VCPIP1: variants seen among roughly 807,000 people sequenced by gnomAD.
The protein encoded by VCPIP1 is deubiquitinating protein VCPIP1.
VCPIP1 carries 8 observed loss-of-function variants against 85.0 expected under a neutral mutation model. The ratio of observed to expected loss-of-function variants is 0.09; its 90% CI spans 0.06 to 0.17. The LOEUF (loss-of-function observed/expected upper bound fraction) is 0.17. Among genes scored for constraint, VCPIP1 ranks in the 10% least tolerant of loss-of-function variants. The pLI is 1.00. For synonymous variants in VCPIP1, 543 were observed against 544.5 expected (o/e 1.00, Z 0.04); for missense variants, 1,070 against 1,486.3 (o/e 0.72, Z 4.61).
In VCPIP1 at chr8:66,628,903, AC is replaced by A. The variant is rs1285534837; in HGVS notation, c.*5597del. ...AATTGAGGCCTTGAAAGGCTCCAAG[AC>A]TTGCCTTGGGTCACAGAGCACACTG... On this transcript the variant is annotated 3_prime_UTR_variant, in exon 3 of 3. Transcript: ENST00000310421. 3 of 152,266 alleles carry A rather than the reference AC, an allele frequency of 2.0e-5. No individual in the cohort carries two copies. Among genetic ancestry groups the A allele is most frequent in the Non-Finnish European group, 4.4e-5 (3 of 68,050 alleles). The allele number at this position is 152,266 out of a possible 1,614,324, so 9.4% of individuals were successfully genotyped here. A position where few individuals can be genotyped will look rare whatever the true frequency, so the allele number is the denominator to read the frequency against.
Position 66,630,220 on chromosome 8 carries a change from G to A in VCPIP1, c.*4281C>T, listed in dbSNP as rs749680542. The stretch of plus-strand genomic sequence containing the variant: ...CAAATGTAATATATACAGTAATCAC[G>A]AAATCGGAAAATAATGGGCAACAGC... On this transcript the variant is annotated 3_prime_UTR_variant, in exon 3 of 3. Transcript: ENST00000310421. 2 of 152,056 alleles carry A rather than the reference G, an allele frequency of 1.3e-5. No homozygotes were observed. The highest frequency in any genetic ancestry group is 4.1e-4 in the South Asian group (2 of 4,828). 9.4% of individuals were successfully genotyped at this position (152,056 alleles called of 1,614,324 possible).
intron 2 of VCPIP1, among the ~76,000 whole-genome samples, chr8:66,636,236 C>CAAAAAA (rs1180259925): frequency 1.7e-4 from 7 of 41,464 alleles, no homozygotes; most frequent in Admixed American, 2.8e-4. Flanking sequence ...GACTCCATCT[C>CAAAAAA]AAAAAAAAAA....
chr8:66,636,867 T>C (rs1015514231), intron 2 of VCPIP1, among the ~76,000 whole-genome samples: 7 of 149,834 alleles, frequency 4.7e-5, no homozygotes, highest in African/African-American at 1.5e-4. Flanking sequence ...AAAAAAAAAA[T>C]TTAGATAGGA....
rs1034632229 is a variant in VCPIP1 at position 66,631,026 on chromosome 8, C to A, written c.*3475G>T. The A allele has an allele frequency of 6.6e-6, 1 of 152,074 alleles. No individual in the cohort carries two copies. Among genetic ancestry groups the A allele is most frequent in the South Asian group, 2.1e-4 (1 of 4,832 alleles). The allele number at this position is 152,074 out of a possible 1,614,324, so 9.4% of individuals were successfully genotyped here. ...TGAATGGTAGGATGCATTTACTCAA[C>A]TTAGAATATGGCGCTATTATTATTA... On this transcript the variant is annotated 3_prime_UTR_variant, in exon 3 of 3. Transcript: ENST00000310421.
At chr8:66,635,913 CAAAAAA>C (rs1187108604) in intron 2 of VCPIP1, among the ~76,000 whole-genome samples, 1 of 75,730 alleles carries the variant, frequency 1.3e-5, no homozygotes, top group Non-Finnish European at 2.7e-5. Context: ...AACTCTATCT[CAAAAAA>C]AAAAAAAAAA....
intron 1 of VCPIP1, among the ~76,000 whole-genome samples, chr8:66,653,038 A>G (rs930058348): frequency 6.6e-6 from 1 of 152,224 alleles, no homozygotes; most frequent in Non-Finnish European, 1.5e-5. Flanking sequence ...ACATTCATAA[A>G]CAGGGTATGA....
In VCPIP1 at chr8:66,635,050, G is replaced by T. The variant is rs1415702062; in HGVS notation, c.3120C>A (p.His1040Gln). The change falls in exon 3 of 3, where the codon CAC becomes CAA. Residue 1040 changes from histidine to glutamine, a missense_variant. His to Gln is a conservative substitution (Grantham distance 24). Coordinates refer to ENST00000310421, the MANE Select transcript of VCPIP1 (RefSeq NM_025054.5). ...AAGTTTCCCTAGCTCTTGGATCAAG[G>T]TGTGGGTTACCAGATGCAGTTCCTA... is the stretch of plus-strand genomic sequence containing the variant. Reference protein sequence around the residue: ...HSLGTASGNPHLDPRARETSV... With the variant: ...HSLGTASGNPQLDPRARETSV... 9 of 1,613,862 alleles carry T rather than the reference G, an allele frequency of 5.6e-6. No homozygotes were observed. Among genetic ancestry groups the T allele is most frequent in the Non-Finnish European group, 6.8e-6 (8 of 1,179,924 alleles).
chr8:66,652,889 AATTTTT>A (rs1274120534), intron 1 of VCPIP1, among the ~76,000 whole-genome samples: 1 of 152,192 alleles, frequency 6.6e-6, no homozygotes, highest in Non-Finnish European at 1.5e-5. Flanking sequence ...GGAAGTTTTT[AATTTTT>A]AACACAAAAA....
rs1810884360 is a variant in VCPIP1, at chr8:66,636,175, G to A, written c.2798-803C>T. Among the ~76,000 whole-genome samples, 3 of 140,396 alleles carry A rather than the reference G, an allele frequency of 2.1e-5. No homozygotes were observed. The South Asian group carries it at 6.7e-4, about 31-fold the overall frequency. 92.1% of individuals were successfully genotyped at this position (140,396 alleles called of 152,430 possible). On this transcript the variant is annotated intron_variant, in intron 2 of 2. Transcript: ENST00000310421. ...ACCCAGGAGGCGGAGGTTGCAGTGAGCCAAGATGGCGCCGCTATACCACTA... is the reference window on the plus strand; with the variant it reads ...ACCCAGGAGGCGGAGGTTGCAGTGAACCAAGATGGCGCCGCTATACCACTA...
chr8:66,648,519 T>C (rs1230531484), intron 2 of VCPIP1, among the ~76,000 whole-genome samples: 1 of 146,716 alleles, frequency 6.8e-6, no homozygotes, highest in Non-Finnish European at 1.5e-5. Flanking sequence ...GTATCATCTA[T>C]GTATCTAATC....
chr8:66,657,854 A>G (rs1811114962), intron 1 of VCPIP1, among the ~76,000 whole-genome samples: 1 of 152,242 alleles, frequency 6.6e-6, no homozygotes, highest in South Asian at 2.1e-4. Flanking sequence ...TTTTCTATCT[A>G]GAAAGGAATA....
intron 2 of VCPIP1, among the ~76,000 whole-genome samples, chr8:66,647,461 A>G (rs1811008539): frequency 6.6e-6 from 1 of 152,052 alleles, no homozygotes; most frequent in Non-Finnish European, 1.5e-5. Flanking sequence ...AAAAAGATGG[A>G]GGACTCACAC....
At chr8:66,649,662 T>A (rs1364253359) in intron 2 of VCPIP1, among the ~76,000 whole-genome samples, 1 of 152,146 alleles carries the variant, frequency 6.6e-6, no homozygotes, top group African/African-American at 2.4e-5. Flanking sequence ...AGGAGCAGAA[T>A]CAAATCAATG....
rs750894538 is a variant in VCPIP1 at position 66,638,936 on chromosome 8, T to TTCTCTCTC, written c.2798-3572_2798-3565dup. ...CTGTACAAAAACCTGCAAGAAAACT[T>TTCTCTCTC]TCTCTCTCTCTCTCTCTCTCTCTCT... On this transcript the variant is annotated intron_variant, in intron 2 of 2. Coordinates refer to ENST00000310421, the MANE Select transcript of VCPIP1 (RefSeq NM_025054.5). Among the ~76,000 whole-genome samples, 156 of 131,646 alleles carry TTCTCTCTC rather than the reference T, an allele frequency of 1.2e-3. 3 individuals carry two copies. The highest frequency in any genetic ancestry group is 4.6e-3 in the African/African-American group (147 of 31,674). 86.4% of individuals were successfully genotyped at this position (131,646 alleles called of 152,430 possible).
Position 66,666,704 on chromosome 8 carries a change from A to G in VCPIP1, c.255T>C (p.Val85=). The change falls in exon 1 of 3, where the codon GTT becomes GTC. Residue 85 remains valine, a synonymous_variant. Coordinates refer to ENST00000310421, the MANE Select transcript of VCPIP1 (RefSeq NM_025054.5). This position sits in a 1 kb window ranked among gnomAD's most constrained non-coding sequence, Gnocchi z 6.3. ...CTACGTCCGGGTCGGTCACCTCCTC[A>G]ACCCCCAGCAGCTGTTGCTGCTCGT... ...QRHEQQQLLG[V]EEVTDPDVVL... The G allele has an allele frequency of 6.2e-7, 1 of 1,614,072 alleles. No individual in the cohort carries two copies. Among genetic ancestry groups the G allele is most frequent in the Middle Eastern group, 1.6e-4 (1 of 6,062 alleles).
In VCPIP1 at chr8:66,664,143, A is replaced by G. The variant is rs925237615; in HGVS notation, c.2710+106T>C. 21 of 1,332,582 alleles carry G rather than the reference A, an allele frequency of 1.6e-5. No individual in the cohort carries two copies. The African/African-American group carries it at 2.8e-4, about 18-fold the overall frequency. The allele number at this position is 1,332,582 out of a possible 1,614,324, so 82.5% of individuals were successfully genotyped here. ...TAATTCTCTCCTGAAATATATAATTAAAAACTTACAATGGCTACAGATTTC... is the reference window on the plus strand; with the variant it reads ...TAATTCTCTCCTGAAATATATAATTGAAAACTTACAATGGCTACAGATTTC... On this transcript the variant is annotated intron_variant, in intron 1 of 2. Coordinates refer to ENST00000310421, the MANE Select transcript of VCPIP1 (RefSeq NM_025054.5).
At chr8:66,645,727 CTGGGCAGCAA>C (rs1396031508) in intron 2 of VCPIP1, among the ~76,000 whole-genome samples, 19 of 137,684 alleles carry the variant, frequency 1.4e-4, no homozygotes, top group Non-Finnish European at 2.7e-4. Context: ...CAAGACTAGC[CTGGGCAGCAA>C]TATGGCAAAA....
intron 2 of VCPIP1, among the ~76,000 whole-genome samples, chr8:66,639,718 A>T (rs1810929127): frequency 6.6e-6 from 1 of 152,206 alleles, no homozygotes; most frequent in South Asian, 2.1e-4. Flanking sequence ...TGTTTTTCAA[A>T]TGTAGATGTA....
At position 66,634,454 on chromosome 8, in the gene VCPIP1, T is replaced by C. The variant is rs935227912; in HGVS notation, c.*47A>G. On this transcript the variant is annotated 3_prime_UTR_variant, in exon 3 of 3. Coordinates refer to ENST00000310421, the MANE Select transcript of VCPIP1 (RefSeq NM_025054.5). Reference sequence around the variant, plus strand: ...AGTTACGTGGCCCAGCCAACAAATATTACATATTCACAATAAACATTCTGC... The same window carrying C: ...AGTTACGTGGCCCAGCCAACAAATACTACATATTCACAATAAACATTCTGC... 1 of 1,523,410 alleles carries C rather than the reference T, an allele frequency of 6.6e-7. No individual in the cohort carries two copies. The highest frequency in any genetic ancestry group is 1.4e-5 in the African/African-American group (1 of 71,802). The allele number at this position is 1,523,410 out of a possible 1,614,324, so 94.4% of individuals were successfully genotyped here. A position where few individuals can be genotyped will look rare whatever the true frequency, so the allele number is the denominator to read the frequency against.
Sources: gnomAD v4.1 joint callset for allele counts (sites outside exome capture counted in the v4.1 genomes callset) on GRCh38, gnomAD v4.1.1 for gene constraint, Gnocchi (gnomAD v3.1) non-coding constraint, MANE v1.5 for transcripts, NCBI Gene and HGNC (gene_info 2026-07-23, HGNC 2026-07-21) for gene names.